Variants in TBC1D9B observed in about 807,000 individuals in gnomAD.
The protein encoded by TBC1D9B is TBC1 domain family member 9B, also known as TBC1 domain family, member 9B (with GRAM domain).
In TBC1D9B, 87 loss-of-function variants were observed where a neutral mutation model predicts 121.1. That is an observed-to-expected ratio of 0.72 (90% CI 0.60 to 0.86). TBC1D9B has a LOEUF of 0.86. Ranked by LOEUF, TBC1D9B falls within the 40% of genes least tolerant of loss-of-function variation. The pLI is 0.00. For synonymous variants in TBC1D9B, 668 were observed against 670.1 expected, an observed-to-expected ratio of 1.00 and a Z score of 0.05; for missense variants, 1,540 against 1,628.6, an observed-to-expected ratio of 0.95 and a Z score of 0.94.
Position 179,865,748 on chromosome 5 carries a change from G to T in TBC1D9B, c.2914+90C>A. ...CATCCGCCATCTCCCGGGGTAGGGGGCTCCCTGGCAGTGACTGGGGAAAAG... is the reference window on the plus strand; with the variant it reads ...CATCCGCCATCTCCCGGGGTAGGGGTCTCCCTGGCAGTGACTGGGGAAAAG... On this transcript the variant is annotated intron_variant, in intron 19 of 20. Transcript: ENST00000355235. This position sits in a 1 kb window ranked among gnomAD's most constrained non-coding sequence, Gnocchi z 5.1. 7.1e-7 allele frequency: 1 copy of T among 1,415,266 alleles called. No homozygotes were observed. The highest frequency in any genetic ancestry group is 9.6e-7 in the Non-Finnish European group (1 of 1,037,688). The allele number at this position is 1,415,266 out of a possible 1,614,324, so 87.7% of individuals were successfully genotyped here.
In TBC1D9B at chr5:179,907,484, G is replaced by T. The variant is rs1761357058; in HGVS notation, c.118+220C>A. Among the ~76,000 whole-genome samples, 1 of 151,106 alleles carries T rather than the reference G, an allele frequency of 6.6e-6. No individual in the cohort carries two copies. The highest frequency in any genetic ancestry group is 1.5e-5 in the Non-Finnish European group (1 of 67,464). On this transcript the variant is annotated intron_variant, in intron 1 of 20. Coordinates refer to ENST00000355235, the MANE Select transcript of TBC1D9B (RefSeq NM_015043.4). The surrounding 1 kb of genome is among the most constrained non-coding windows in gnomAD (Gnocchi z 5.3). ...GACCTGAGGAGAGCCCGCCGAGGGC[G>T]CATTCGCCTCCCGCCAGCCCCTCGC...
intron 3 of TBC1D9B, among the ~76,000 whole-genome samples, chr5:179,896,929 C>T (rs1761036661): frequency 2.0e-5 from 3 of 152,174 alleles, no homozygotes; most frequent in Admixed American, 6.5e-5. Flanking sequence ...TATTTTGAGA[C>T]GGAGTCTCGC....
At chr5:179,873,923 A>C (rs1385941218) in intron 12 of TBC1D9B, among the ~76,000 whole-genome samples, 4 of 152,176 alleles carry the variant, frequency 2.6e-5, no homozygotes, top group Non-Finnish European at 5.9e-5. Flanking sequence ...AAAACCAGCC[A>C]CAGACTCCGG....
Position 179,880,015 on chromosome 5 carries a change from C to T in TBC1D9B, c.1255-226G>A, listed in dbSNP as rs761908247. The T allele has an allele frequency of 1.0e-5, 6 of 595,614 alleles. No homozygotes were observed. In the Middle Eastern group the frequency reaches 1.8e-3, roughly 179 times the overall value. 36.9% of individuals were successfully genotyped at this position (595,614 alleles called of 1,614,324 possible). On this transcript the variant is annotated intron_variant, in intron 7 of 20. Coordinates refer to ENST00000355235, the MANE Select transcript of TBC1D9B (RefSeq NM_015043.4). ...ACCGAGTCCTCAGTAATTAACCCCA[C>T]TCTCACCAGCGAGTCAGTCTCAGGG...
At position 179,863,751 on chromosome 5, in the gene TBC1D9B, G is replaced by A. The variant is rs374148404; in HGVS notation, c.3399C>T (p.Asp1133=). The A allele has an allele frequency of 1.0e-4, 164 of 1,613,550 alleles. No individual in the cohort carries two copies. The highest frequency in any genetic ancestry group is 7.1e-4 in the South Asian group (65 of 91,088). Residue 1133 remains aspartate (D), a synonymous_variant, in exon 21 of 21, where the codon GAC becomes GAT. Transcript: ENST00000355235. The surrounding 1 kb of genome is among the most constrained non-coding windows in gnomAD (Gnocchi z 4.5). ...SQLLSDDETK[D]DMSMSSYSVV... is the part of the protein sequence containing the mutation. ...CCGAGTAGGAGGACATGGACATGTC[G>A]TCTTTGGTTTCATCGTCAGACAGCA... is the stretch of plus-strand genomic sequence containing the variant.
chr5:179,869,503 G>A, intron 17 of TBC1D9B: 1 of 639,466 alleles, frequency 1.6e-6, no homozygotes, highest in Non-Finnish European at 2.9e-6. Context: ...TTTGGGTCCA[G>A]CTGCCTCCTC....
In TBC1D9B at chr5:179,867,850, C is replaced by A; in HGVS notation, c.2792-1G>T. 6.6e-7 allele frequency: 1 copy of A among 1,517,068 alleles called. No individual in the cohort carries two copies. Among genetic ancestry groups the A allele is most frequent in the Non-Finnish European group, 8.8e-7 (1 of 1,132,738 alleles). The allele number at this position is 1,517,068 out of a possible 1,614,324, so 94.0% of individuals were successfully genotyped here. On this transcript the variant is annotated splice_acceptor_variant, in intron 17 of 20. Coordinates refer to ENST00000355235, the MANE Select transcript of TBC1D9B (RefSeq NM_015043.4). LOFTEE classifies it high-confidence loss of function. ...GACTCGGCTTCCTCTGGGCTCAGAG[C>A]TGTGCTTGGAGAGAAGGCAGAGTGA...
chr5:179,872,772 T>A, intron 14 of TBC1D9B, 120 bp downstream of exon 14: 1 of 920,318 alleles, frequency 1.1e-6, no homozygotes, highest in Non-Finnish European at 1.7e-6. Flanking sequence ...TACCATGATG[T>A]ACATACCAAA....
intron 8 of TBC1D9B, 120 bp downstream of exon 8, chr5:179,879,508 G>C: frequency 3.4e-6 from 5 of 1,465,414 alleles, no homozygotes; most frequent in Non-Finnish European, 4.7e-6. Flanking sequence ...GCCTGGGTGG[G>C]CACTGCCCAG....
chr5:179,886,231 C>T (rs1760680511), intron 7 of TBC1D9B, among the ~76,000 whole-genome samples: 1 of 152,220 alleles, frequency 6.6e-6, no homozygotes, highest in Non-Finnish European at 1.5e-5. Flanking sequence ...TATTTGCTTA[C>T]TGCCTCCCTC....
intron 1 of TBC1D9B, among the ~76,000 whole-genome samples, chr5:179,905,392 C>A (rs556892195): frequency 2.6e-5 from 4 of 152,302 alleles, no homozygotes; most frequent in African/African-American, 9.6e-5. Context: ...TTTGCCATGA[C>A]TCACTGATTT....
Position 179,870,321 on chromosome 5 carries a change from T to C in TBC1D9B, c.2659A>G (p.Met887Val), listed in dbSNP as rs1019415798. Residue 887 changes from methionine to valine, a missense_variant, in exon 16 of 21, where the codon ATG (methionine) becomes GTG (valine). Coordinates refer to ENST00000355235, the MANE Select transcript of TBC1D9B (RefSeq NM_015043.4). ...GSHTPLLAGR[M>V]FRLLDENKDS... is the part of the protein sequence containing the mutation. ...TTGTTTTCGTCCAGGAGCCTGAACATGCGCCCTGCCAGCAGAGGTGTGTGG... is the reference window on the plus strand; with the variant it reads ...TTGTTTTCGTCCAGGAGCCTGAACACGCGCCCTGCCAGCAGAGGTGTGTGG... 6.8e-6 allele frequency: 11 copies of C among 1,613,746 alleles called. No homozygotes were observed. Among genetic ancestry groups the C allele is most frequent in the Non-Finnish European group, 9.3e-6 (11 of 1,180,012 alleles).
rs763202560 is a variant in TBC1D9B at position 179,865,808 on chromosome 5, C to CT, written c.2914+29dup. 18 of 1,574,226 alleles carry CT rather than the reference C, an allele frequency of 1.1e-5. No homozygotes were observed. In the East Asian group the frequency reaches 2.2e-4, roughly 20 times the overall value. On this transcript the variant is annotated intron_variant, in intron 19 of 20. Transcript: ENST00000355235. This position sits in a 1 kb window ranked among gnomAD's most constrained non-coding sequence, Gnocchi z 5.1. ...CAAGGGTGCCTCAACGCTGGGGTCT[C>CT]TAAGAACAGCGGCAGAGAATGGCCT...
intron 7 of TBC1D9B, chr5:179,887,862 T>C (rs989567818): frequency 1.2e-5 from 7 of 576,104 alleles, no homozygotes; most frequent in Non-Finnish European, 2.1e-5. Context: ...AGGTTCCTCA[T>C]GGGCAATGGG....
At chr5:179,876,069 T>C (rs775337636) in intron 10 of TBC1D9B, 32 bp from the exon 11 acceptor site, 20 of 1,588,480 alleles carry the variant, frequency 1.3e-5, no homozygotes, top group Non-Finnish European at 1.7e-5. Flanking sequence ...GGGGAAGGCT[T>C]GCACTGCTGG....
Position 179,874,840 on chromosome 5 carries a change from C to A in TBC1D9B, c.2186+62G>T. Reference sequence around the variant, plus strand: ...GTCACTTCAGGCTGACTGGACAGTGCCCGGGGCTGGTGAGGGGTTCTGCTG... The same window carrying A: ...GTCACTTCAGGCTGACTGGACAGTGACCGGGGCTGGTGAGGGGTTCTGCTG... On this transcript the variant is annotated intron_variant, in intron 12 of 20. Coordinates refer to ENST00000355235, the MANE Select transcript of TBC1D9B (RefSeq NM_015043.4). This position sits in a 1 kb window ranked among gnomAD's most constrained non-coding sequence, Gnocchi z 4.3. 2 of 1,575,660 alleles carry A rather than the reference C, an allele frequency of 1.3e-6. No homozygotes were observed. Among genetic ancestry groups the A allele is most frequent in the Non-Finnish European group, 1.7e-6 (2 of 1,163,958 alleles).
chr5:179,864,184 G>C (rs533624621), intron 20 of TBC1D9B, 56 bp from the exon 21 acceptor site: 1 of 1,491,812 alleles, frequency 6.7e-7, no homozygotes, highest in East Asian at 2.4e-5. Context: ...GTCAGACGGG[G>C]TCCATATTAG....
At chr5:179,898,271 C>T (rs1373099957) in intron 3 of TBC1D9B, among the ~76,000 whole-genome samples, 1 of 151,922 alleles carries the variant, frequency 6.6e-6, no homozygotes, top group Non-Finnish European at 1.5e-5. Context: ...CCTGCCTCAG[C>T]CTCCCGATTA....
chr5:179,903,283 C>T (rs1761212472), intron 2 of TBC1D9B, among the ~76,000 whole-genome samples: 2 of 151,638 alleles, frequency 1.3e-5, no homozygotes, highest in South Asian at 2.1e-4. Flanking sequence ...CTGGAGGTAC[C>T]GGGTGGTTCA....
Sources: gnomAD v4.1 joint callset for allele counts (sites outside exome capture counted in the v4.1 genomes callset) on GRCh38, gnomAD v4.1.1 for gene constraint, Gnocchi (gnomAD v3.1) non-coding constraint, MANE v1.5 for transcripts, NCBI Gene and HGNC (gene_info 2026-07-23, HGNC 2026-07-21) for gene names.